Variants in PCDHA1 observed in about 807,000 individuals in gnomAD.
The protein encoded by PCDHA1 is protocadherin alpha 1.
In PCDHA1, 42 loss-of-function variants were observed where a neutral mutation model predicts 61.3. The observed-to-expected ratio is 0.69, with a 90% CI of 0.54 to 0.89. The LOEUF (loss-of-function observed/expected upper bound fraction) is 0.89. Ranked by LOEUF, PCDHA1 falls within the 40% of genes least tolerant of loss-of-function variation. The pLI is 0.00. For synonymous variants in PCDHA1, 610 were observed against 553.8 expected (o/e 1.10, Z -1.43); for missense variants, 1,256 against 1,235.3 (o/e 1.02, Z -0.25).
At chr5:140,986,859 C>T (rs1554248338) in intron 3 of PCDHA1, among the ~76,000 whole-genome samples, 1 of 152,152 alleles carries the variant, frequency 6.6e-6, no homozygotes, top group East Asian at 1.9e-4. Context: ...ACCAACAATA[C>T]CCGGAAACTT....
At chr5:140,814,067 AT>A (rs1428108112) in intron 1 of PCDHA1, 2 of 153,412 alleles carry the variant, frequency 1.3e-5, no homozygotes, top group African/African-American at 4.8e-5. Flanking sequence ...GTAAACTTAA[AT>A]TTTTTAACCT....
rs2045073152 is a variant in PCDHA1 at position 140,857,980 on chromosome 5, G to T, written c.2394+69296G>T. ...TGGATGAGACTGACTCGCCACGCCA[G>T]CGCCTACTGGTGCTGGTGAAGGACC... On this transcript the variant is annotated intron_variant, in intron 1 of 3. Coordinates refer to ENST00000504120, the MANE Select transcript of PCDHA1 (RefSeq NM_018900.4). The T allele has an allele frequency of 1.3e-6, 2 of 1,597,100 alleles. 1 individual carries two copies. Among genetic ancestry groups the T allele is most frequent in the Non-Finnish European group, 1.7e-6 (2 of 1,167,294 alleles).
At chr5:140,984,680 AT>A (rs1180119303) in intron 3 of PCDHA1, among the ~76,000 whole-genome samples, 1 of 152,158 alleles carries the variant, frequency 6.6e-6, no homozygotes, top group East Asian at 1.9e-4. Context: ...TTAGGACTCA[AT>A]ATATGTTCTG....
intron 1 of PCDHA1, chr5:140,795,238 C>G: frequency 1.2e-6 from 2 of 1,614,154 alleles, no homozygotes; most frequent in East Asian, 2.2e-5. Context: ...TCGGATCGAC[C>G]GGGAGGAGCT....
intron 1 of PCDHA1, chr5:140,862,812 C>G (rs782335970): frequency 1.7e-6 from 1 of 572,078 alleles, no homozygotes; most frequent in Non-Finnish European, 3.4e-6. Context: ...TGCTGCAGTT[C>G]TAGGTGAGAG....
intron 3 of PCDHA1, among the ~76,000 whole-genome samples, chr5:140,986,846 A>G (rs782028314): frequency 6.6e-6 from 1 of 152,200 alleles, no homozygotes; most frequent in Non-Finnish European, 1.5e-5. Flanking sequence ...AAGGGGCAGC[A>G]ACACCAACAA....
chr5:140,961,887 GTTT>G (rs35680913), intron 1 of PCDHA1, among the ~76,000 whole-genome samples: 1 of 143,934 alleles, frequency 6.9e-6, no homozygotes. Context: ...ACTTACATCA[GTTT>G]TTTTTTTTTT....
Position 140,856,765 on chromosome 5 carries a change from T to C in PCDHA1, c.2394+68081T>C, listed in dbSNP as rs1554149084. On this transcript the variant is annotated intron_variant, in intron 1 of 3. Transcript: ENST00000504120. ...TGTTAGATGCCAATGATAACGCCCCTATCTTTGACAGACCGGTTTATGAAG... is the reference window on the plus strand; with the variant it reads ...TGTTAGATGCCAATGATAACGCCCCCATCTTTGACAGACCGGTTTATGAAG... The C allele has an allele frequency of 2.5e-6, 4 of 1,596,946 alleles. No homozygotes were observed. In the South Asian group the frequency reaches 4.4e-5, roughly 18 times the overall value.
At chr5:140,975,068 C>T (rs1273763502) in intron 1 of PCDHA1, among the ~76,000 whole-genome samples, 4 of 152,134 alleles carry the variant, frequency 2.6e-5, no homozygotes, top group African/African-American at 9.7e-5. Flanking sequence ...CGAGCTCATT[C>T]AGATTGTTGG....
chr5:140,899,674 T>A (rs2067476984), intron 1 of PCDHA1, among the ~76,000 whole-genome samples: 1 of 152,220 alleles, frequency 6.6e-6, no homozygotes, highest in African/African-American at 2.4e-5. Flanking sequence ...GGCTTTGGTA[T>A]CAGGATGATG....
Position 140,841,444 on chromosome 5 carries a change from C to A in PCDHA1, c.2394+52760C>A, listed in dbSNP as rs2150315677. 7.4e-6 allele frequency: 12 copies of A among 1,612,806 alleles called. No individual in the cohort carries two copies. In the South Asian group the frequency reaches 8.8e-5, roughly 12 times the overall value. On this transcript the variant is annotated intron_variant, in intron 1 of 3. Coordinates refer to ENST00000504120, the MANE Select transcript of PCDHA1 (RefSeq NM_018900.4). ...ACTCCGTCCCCGAGGAGGCCAAACA[C>A]GGCACCTTCGTGGGCCGGATCGCGC... is the stretch of plus-strand genomic sequence containing the variant.
Position 140,857,175 on chromosome 5 carries a change from A to C in PCDHA1, c.2394+68491A>C, listed in dbSNP as rs149086377. On this transcript the variant is annotated intron_variant, in intron 1 of 3. Transcript: ENST00000504120. ...ATTGCCCTAATCAGCGTTTCTGACC[A>C]TGATTCAGGAGCCAACGGACAGGTC... The C allele has an allele frequency of 2.5e-6, 4 of 1,598,338 alleles. No homozygotes were observed. The South Asian group carries it at 3.3e-5, about 13-fold the overall frequency.
intron 1 of PCDHA1, chr5:140,807,152 CG>C: frequency 6.3e-7 from 1 of 1,579,498 alleles, no homozygotes; most frequent in Non-Finnish European, 8.6e-7. Flanking sequence ...CTTTGAGAAA[CG>C]ATATTTAATC....
chr5:140,881,581 T>C (rs782420499), intron 1 of PCDHA1, among the ~76,000 whole-genome samples: 2 of 152,222 alleles, frequency 1.3e-5, no homozygotes, highest in African/African-American at 2.4e-5. Context: ...TCAAGTCACA[T>C]TGAGGGAAAT....
intron 1 of PCDHA1, among the ~76,000 whole-genome samples, chr5:140,951,349 T>C (rs1403359324): frequency 1.3e-5 from 2 of 152,144 alleles, no homozygotes; most frequent in Non-Finnish European, 2.9e-5. Flanking sequence ...GTTAGTCCAT[T>C]ATTGCACTGT....
intron 3 of PCDHA1, among the ~76,000 whole-genome samples, chr5:140,997,793 T>G (rs2097785892): frequency 6.6e-6 from 1 of 152,112 alleles, no homozygotes; most frequent in Non-Finnish European, 1.5e-5. Context: ...ATATTATAAT[T>G]TATCCAATTT....
intron 1 of PCDHA1, among the ~76,000 whole-genome samples, chr5:140,838,413 C>T (rs1304271115): frequency 6.6e-6 from 1 of 151,456 alleles, no homozygotes; most frequent in East Asian, 1.9e-4. Context: ...AGTGAGCCAC[C>T]GCATCCGGCC....
intron 1 of PCDHA1, chr5:140,841,846 T>G (rs2150323998): frequency 6.2e-7 from 1 of 1,613,898 alleles, no homozygotes. Flanking sequence ...TTAGCTCTCA[T>G]GATTACTTCA....
At chr5:140,960,208 C>T (rs1295278624) in intron 1 of PCDHA1, among the ~76,000 whole-genome samples, 2 of 151,976 alleles carry the variant, frequency 1.3e-5, no homozygotes, top group Non-Finnish European at 2.9e-5. Flanking sequence ...GATGTTATTT[C>T]AGGATCTCAA....
Sources: gnomAD v4.1 joint callset for allele counts (sites outside exome capture counted in the v4.1 genomes callset) on GRCh38, gnomAD v4.1.1 for gene constraint, MANE v1.5 for transcripts, NCBI Gene and HGNC (gene_info 2026-07-23, HGNC 2026-07-21) for gene names.